Variants in GRM7 observed in about 807,000 individuals in gnomAD.
GRM7 encodes the protein metabotropic glutamate receptor 7.
GRM7 carries 35 observed loss-of-function variants against 84.5 expected under a neutral mutation model. The observed-to-expected ratio is 0.41, with a 90% CI of 0.32 to 0.55. The LOEUF is 0.55. Ranked by LOEUF, GRM7 falls within the 20% of genes least tolerant of loss-of-function variation. The pLI is 0.19. For missense variants in GRM7, 1,003 were observed against 1,194.6 expected, an observed-to-expected ratio of 0.84 and a Z score of 2.36; for synonymous variants, 487 against 455.1, an observed-to-expected ratio of 1.07 and a Z score of -0.89.
intron 4 of GRM7, among the ~76,000 whole-genome samples, chr3:7,370,542 C>T (rs186974346): frequency 4.2e-4 from 63 of 150,798 alleles, no homozygotes; most frequent in Admixed American, 2.9e-3. Flanking sequence ...GTCCATTAAA[C>T]CTCTTTTTCT....
chr3:7,631,415 C>T (rs901654726), intron 8 of GRM7, among the ~76,000 whole-genome samples: 1 of 152,036 alleles, frequency 6.6e-6, no homozygotes. Context: ...ACTCTGAGGC[C>T]CCTAGAGATC....
At chr3:7,165,519 C>T (rs1694772493) in intron 2 of GRM7, among the ~76,000 whole-genome samples, 1 of 152,146 alleles carries the variant, frequency 6.6e-6, no homozygotes, top group Admixed American at 6.5e-5. Flanking sequence ...TGGTTTTCTG[C>T]TTTCTGTCAG....
intron 4 of GRM7, among the ~76,000 whole-genome samples, chr3:7,377,230 AC>A (rs1694389284): frequency 6.6e-6 from 1 of 152,050 alleles, no homozygotes; most frequent in Non-Finnish European, 1.5e-5. Context: ...TTTTTTTTCC[AC>A]CATAAATTCA....
At chr3:7,350,895 G>A (rs755607964) in intron 4 of GRM7, among the ~76,000 whole-genome samples, 8 of 152,058 alleles carry the variant, frequency 5.3e-5, no homozygotes, top group Non-Finnish European at 1.2e-4. Flanking sequence ...GCATAAGAGT[G>A]CAAGACAATA....
At chr3:7,420,904 T>C (rs1015128568) in intron 5 of GRM7, among the ~76,000 whole-genome samples, 3 of 152,176 alleles carry the variant, frequency 2.0e-5, no homozygotes, top group Admixed American at 2.0e-4. Flanking sequence ...AATATAGGAT[T>C]CTTCAAGTTA....
chr3:7,682,435 T>C (rs1426729876), intron 9 of GRM7: 1 of 151,600 alleles, frequency 6.6e-6, no homozygotes, highest in African/African-American at 2.4e-5. Context: ...GATAAACATA[T>C]ATGTATATTT....
At chr3:7,376,523 C>T (rs1694357800) in intron 4 of GRM7, among the ~76,000 whole-genome samples, 1 of 152,184 alleles carries the variant, frequency 6.6e-6, no homozygotes, top group African/African-American at 2.4e-5. Context: ...TATATGGAGC[C>T]TTCAACAATC....
intron 1 of GRM7, among the ~76,000 whole-genome samples, chr3:7,060,526 T>C (rs1158951001): frequency 1.3e-5 from 2 of 151,736 alleles, no homozygotes; most frequent in Non-Finnish European, 2.9e-5. Context: ...TACCAATCTA[T>C]ACAGTAGAAG....
chr3:7,668,487 T>C (rs771894277), intron 8 of GRM7, among the ~76,000 whole-genome samples: 4 of 152,194 alleles, frequency 2.6e-5, no homozygotes, highest in Non-Finnish European at 5.9e-5. Context: ...TACGCACATG[T>C]ACACATTTAA....
chr3:7,481,972 A>G (rs573105288), intron 7 of GRM7, among the ~76,000 whole-genome samples: 1 of 152,262 alleles, frequency 6.6e-6, no homozygotes, highest in South Asian at 2.1e-4. Context: ...GTGGATCACA[A>G]AGTCAGGAGA....
rs1015188413 is a variant in GRM7, at chr3:7,396,519, C to G, written c.1034-18504C>G. ...ATATGTTGGAAACATTCTGATTTGC[C>G]CATGTTTTATATTTTTATTGCTATT... On this transcript the variant is annotated intron_variant, in intron 4 of 9. Transcript: ENST00000357716. Among the ~76,000 whole-genome samples, 6 of 151,962 alleles carry G rather than the reference C, an allele frequency of 3.9e-5. No individual in the cohort carries two copies. The South Asian group carries it at 1.0e-3, about 26-fold the overall frequency.
intron 1 of GRM7, among the ~76,000 whole-genome samples, chr3:6,929,713 A>G (rs74320929): frequency 6.6e-6 from 1 of 152,218 alleles, no homozygotes; most frequent in Admixed American, 6.5e-5. Context: ...CCTGTTTACA[A>G]TGACAGACTT....
intron 1 of GRM7, among the ~76,000 whole-genome samples, chr3:7,081,110 G>T (rs1335661326): frequency 1.3e-5 from 2 of 151,840 alleles, no homozygotes; most frequent in Non-Finnish European, 2.9e-5. Context: ...AAATAGTTAT[G>T]GTACAGAGTC....
chr3:7,554,976 A>T (rs528875487), intron 7 of GRM7, among the ~76,000 whole-genome samples: 1 of 152,158 alleles, frequency 6.6e-6, no homozygotes, highest in Admixed American at 6.5e-5. Flanking sequence ...GTGGTCAGAA[A>T]GGGCATCTCC....
chr3:7,538,711 A>G (rs1254959849), intron 7 of GRM7, among the ~76,000 whole-genome samples: 3 of 152,176 alleles, frequency 2.0e-5, no homozygotes, highest in Non-Finnish European at 4.4e-5. Flanking sequence ...CCAAAAAAAA[A>G]TGATAAAAAG....
intron 2 of GRM7, among the ~76,000 whole-genome samples, chr3:7,197,048 C>A (rs917148505): frequency 6.6e-6 from 1 of 152,148 alleles, no homozygotes; most frequent in African/African-American, 2.4e-5. Context: ...CTTGACCAGG[C>A]ACTTCTTACA....
chr3:7,634,040 C>T (rs1438328363), intron 8 of GRM7, among the ~76,000 whole-genome samples: 1 of 151,994 alleles, frequency 6.6e-6, no homozygotes, highest in African/African-American at 2.4e-5. Flanking sequence ...GTTCTCATTT[C>T]ATCTGGAATA....
chr3:7,300,941 A>C (rs141453079), intron 3 of GRM7, among the ~76,000 whole-genome samples: 2 of 152,328 alleles, frequency 1.3e-5, no homozygotes, highest in African/African-American at 4.8e-5. Flanking sequence ...TAGCTCAATA[A>C]ATGGCGTTGA....
chr3:7,344,374 T>C (rs1692791622), intron 4 of GRM7, among the ~76,000 whole-genome samples: 1 of 152,192 alleles, frequency 6.6e-6, no homozygotes, highest in Non-Finnish European at 1.5e-5. Context: ...GTTAGTTTGC[T>C]AAAGATAATG....
Sources: allele counts gnomAD v4.1 joint callset (sites outside exome capture counted in the v4.1 genomes callset), GRCh38; gene constraint gnomAD v4.1.1; transcripts MANE v1.5; gene names NCBI Gene and HGNC (gene_info 2026-07-23, HGNC 2026-07-21).